The following CDKAL1 variants were observed in gnomAD, a reference collection of about 807,000 sequenced individuals.
The protein encoded by CDKAL1 is threonylcarbamoyladenosine tRNA methylthiotransferase.
Under a neutral mutation model 68.2 loss-of-function variants are expected in CDKAL1, and 32 were observed. That is an observed-to-expected ratio of 0.47 (90% confidence interval 0.35 to 0.63). CDKAL1 has a LOEUF of 0.63. Ranked by LOEUF, CDKAL1 falls within the 30% of genes least tolerant of loss-of-function variation. The probability of loss-of-function intolerance (pLI) is 0.00; values close to 1 mark genes in which losing one functional copy is unlikely to be tolerated. For missense variants in CDKAL1, 606 were observed against 696.7 expected (o/e 0.87, Z 1.47); for synonymous variants, 234 against 244.3 (o/e 0.96, Z 0.39).
intron 11 of CDKAL1, among the ~76,000 whole-genome samples, chr6:21,045,097 C>G (rs977480916): frequency 6.6e-6 from 1 of 152,232 alleles, no homozygotes; most frequent in African/African-American, 2.4e-5. Context: ...ATTGCGGATT[C>G]AGTTTCAACA....
At chr6:20,798,258 C>G (rs907021408) in intron 8 of CDKAL1, among the ~76,000 whole-genome samples, 1 of 151,960 alleles carries the variant, frequency 6.6e-6, no homozygotes. Context: ...AGGGAATGTT[C>G]TAGGGTAAAA....
chr6:20,726,094 C>CT (rs1772642376), intron 5 of CDKAL1, among the ~76,000 whole-genome samples: 1 of 151,956 alleles, frequency 6.6e-6, no homozygotes, highest in Non-Finnish European at 1.5e-5. Context: ...ATCTGAGAGT[C>CT]TATCACCTTT....
At chr6:21,095,143 G>A (rs1367493111) in intron 12 of CDKAL1, among the ~76,000 whole-genome samples, 1 of 152,198 alleles carries the variant, frequency 6.6e-6, no homozygotes, top group African/African-American at 2.4e-5. Flanking sequence ...AGATAAGGTT[G>A]GCAGGGATGG....
At chr6:20,939,590 G>A (rs1043752248) in intron 9 of CDKAL1, among the ~76,000 whole-genome samples, 23 of 152,114 alleles carry the variant, frequency 1.5e-4, no homozygotes, top group African/African-American at 5.6e-4. Flanking sequence ...GCTGTATTTG[G>A]CTAAGCTTGG....
chr6:20,667,364 G>A lies in CDKAL1; in HGVS notation c.371+17987G>A, dbSNP rs148985295. Among the ~76,000 whole-genome samples the A allele has an allele frequency of 3.6e-3, 550 of 152,314 alleles. 2 individuals carry two copies. The highest frequency in any genetic ancestry group is 0.012 in the African/African-American group (513 of 41,574). On this transcript the variant is annotated intron_variant, in intron 5 of 15. Transcript: ENST00000274695. ...ATAATTATAATACAGTGAGGGAAGT[G>A]TGGTAATGCTTCTTTGTTGACAATG...
intron 11 of CDKAL1, among the ~76,000 whole-genome samples, chr6:21,030,960 A>G (rs757163593): frequency 1.6e-4 from 24 of 152,084 alleles, no homozygotes; most frequent in Non-Finnish European, 3.1e-4. Context: ...TTCTAATGCC[A>G]TGTAACAAAA....
intron 11 of CDKAL1, among the ~76,000 whole-genome samples, chr6:21,056,203 C>A (rs145917367): frequency 6.6e-6 from 1 of 151,932 alleles, no homozygotes; most frequent in Non-Finnish European, 1.5e-5. Flanking sequence ...TTTCTTTGAA[C>A]GGTGGTTTGT....
At chr6:21,054,678 A>G (rs1366593354) in intron 11 of CDKAL1, among the ~76,000 whole-genome samples, 1 of 152,104 alleles carries the variant, frequency 6.6e-6, no homozygotes, top group African/African-American at 2.4e-5. Flanking sequence ...ATGGCATACA[A>G]CTTCTACCTT....
intron 4 of CDKAL1, among the ~76,000 whole-genome samples, chr6:20,558,234 C>T (rs1764136223): frequency 6.6e-6 from 1 of 152,136 alleles, no homozygotes; most frequent in Admixed American, 6.5e-5. Context: ...GCAGGGATGA[C>T]AGTGGTTATT....
intron 12 of CDKAL1, among the ~76,000 whole-genome samples, chr6:21,081,346 TCA>T (rs1772388378): frequency 6.6e-6 from 1 of 152,140 alleles, no homozygotes; most frequent in Admixed American, 6.5e-5. Context: ...TTATTATATT[TCA>T]GTCTAACTTT....
intron 8 of CDKAL1, among the ~76,000 whole-genome samples, chr6:20,798,917 C>CAAAAAAAAAAAA (rs200034795): frequency 9.7e-6 from 1 of 103,194 alleles, no homozygotes; most frequent in Non-Finnish European, 2.1e-5. Context: ...TATAATAATA[C>CAAAAAAAAAAAA]AAAAAAAAAA....
chr6:20,605,133 CA>C (rs1212145569), intron 4 of CDKAL1, among the ~76,000 whole-genome samples: 4 of 152,134 alleles, frequency 2.6e-5, no homozygotes, highest in African/African-American at 9.7e-5. Flanking sequence ...ACACTGCAGT[CA>C]AAGAGACAAT....
chr6:21,072,192 T>A (rs1771812531), intron 12 of CDKAL1, among the ~76,000 whole-genome samples: 1 of 152,222 alleles, frequency 6.6e-6, no homozygotes, highest in African/African-American at 2.4e-5. Context: ...TCTGCGTATT[T>A]ACTTCGCCTC....
At chr6:21,138,812 C>T (rs966663519) in intron 13 of CDKAL1, among the ~76,000 whole-genome samples, 16 of 152,140 alleles carry the variant, frequency 1.1e-4, no homozygotes, top group Admixed American at 5.9e-4. Flanking sequence ...CTCAGTCAGG[C>T]CCATCTGTAT....
intron 7 of CDKAL1, among the ~76,000 whole-genome samples, chr6:20,763,900 G>A (rs1387814766): frequency 6.6e-6 from 1 of 152,084 alleles, no homozygotes; most frequent in Non-Finnish European, 1.5e-5. Context: ...TTGGCTTCAG[G>A]ATATATGAAA....
chr6:21,132,891 T>G (rs1219425341), intron 13 of CDKAL1, among the ~76,000 whole-genome samples: 6 of 151,954 alleles, frequency 3.9e-5, no homozygotes, highest in South Asian at 2.1e-4. Context: ...TTTTCAGAGG[T>G]TCTACAGAGC....
At chr6:20,544,056 C>T (rs1763491372) in intron 2 of CDKAL1, among the ~76,000 whole-genome samples, 1 of 151,932 alleles carries the variant, frequency 6.6e-6, no homozygotes, top group South Asian at 2.1e-4. Flanking sequence ...ACATTTAAGT[C>T]TATGATCCAT....
chr6:21,097,299 G>A (rs374047700), intron 12 of CDKAL1, among the ~76,000 whole-genome samples: 18 of 152,160 alleles, frequency 1.2e-4, no homozygotes, highest in East Asian at 9.7e-4. Context: ...GTGAAACCCC[G>A]TCTCTACTAA....
chr6:20,616,164 T>C (rs1215666085), intron 4 of CDKAL1, among the ~76,000 whole-genome samples: 9 of 151,970 alleles, frequency 5.9e-5, no homozygotes, highest in Admixed American at 5.9e-4. Context: ...ACTAGTACCA[T>C]GCTGTTTTGG....
Sources: allele counts gnomAD v4.1 joint callset (sites outside exome capture counted in the v4.1 genomes callset), GRCh38; gene constraint gnomAD v4.1.1; transcripts MANE v1.5; gene names NCBI Gene and HGNC (gene_info 2026-07-23, HGNC 2026-07-21).